SP1: variants seen among roughly 807,000 people sequenced by gnomAD.
The protein encoded by SP1 is Sp1 transcription factor.
Under a neutral mutation model 66.3 loss-of-function variants are expected in SP1, and 6 were observed. The ratio of observed to expected loss-of-function variants is 0.09; its 90% CI spans 0.05 to 0.18. SP1 has a LOEUF of 0.18. Ranked by LOEUF, SP1 falls within the 10% of genes least tolerant of loss-of-function variation. The pLI, the probability that SP1 is intolerant of heterozygous loss-of-function variation, is 1.00. For missense variants in SP1, 848 were observed against 964.5 expected, an observed-to-expected ratio of 0.88 and a Z score of 1.60; for synonymous variants, 417 against 360.8, an observed-to-expected ratio of 1.16 and a Z score of -1.77.
Position 53,411,404 on chromosome 12 carries a change from C to T in SP1, c.*164C>T. The T allele has an allele frequency of 5.1e-6, 3 of 584,460 alleles. No individual in the cohort carries two copies. The highest frequency in any genetic ancestry group is 8.9e-6 in the Non-Finnish European group (3 of 337,668). The allele number at this position is 584,460 out of a possible 1,614,324, so 36.2% of individuals were successfully genotyped here. A position where few individuals can be genotyped will look rare whatever the true frequency, so the allele number is the denominator to read the frequency against. On this transcript the variant is annotated 3_prime_UTR_variant, in exon 6 of 6. Transcript: ENST00000327443. ...TACAAGAGAGGAGATGGGGTCCCGG[C>T]ACCCATCTGTATCATCAGTGCCTCT...
At chr12:53,396,516 C>G (rs563405601) in intron 3 of SP1, among the ~76,000 whole-genome samples, 1 of 150,938 alleles carries the variant, frequency 6.6e-6, no homozygotes, top group Non-Finnish European at 1.5e-5. Context: ...GGCGGTTAGC[C>G]GAGATCATGC....
rs891130880 is a variant in SP1 at position 53,412,814 on chromosome 12, G to A, written c.*1574G>A. 6.6e-6 allele frequency: 1 copy of A among 152,548 alleles called. No homozygotes were observed. Among genetic ancestry groups the A allele is most frequent in the Non-Finnish European group, 1.5e-5 (1 of 68,028 alleles). 9.4% of individuals were successfully genotyped at this position (152,548 alleles called of 1,614,324 possible). On this transcript the variant is annotated 3_prime_UTR_variant, in exon 6 of 6. Transcript: ENST00000327443. ...GGGAACCTAGTGCATTTGGCACTGA[G>A]ATTTAAATGCAACCAGAATTGTCCT...
At chr12:53,397,285 A>G (rs1257170437) in intron 3 of SP1, among the ~76,000 whole-genome samples, 1 of 152,050 alleles carries the variant, frequency 6.6e-6, no homozygotes, top group Admixed American at 6.6e-5. Context: ...TGCTGAGATT[A>G]CAAATATGAG....
chr12:53,392,437 A>G (rs2136900530), intron 3 of SP1, among the ~76,000 whole-genome samples: 1 of 144,268 alleles, frequency 6.9e-6, no homozygotes, highest in East Asian at 2.0e-4. Flanking sequence ...GCTCACTGCA[A>G]GCTCCGCCTC....
At chr12:53,385,986 T>G (rs896090263) in intron 3 of SP1, among the ~76,000 whole-genome samples, 1 of 152,206 alleles carries the variant, frequency 6.6e-6, no homozygotes, top group Non-Finnish European at 1.5e-5. Flanking sequence ...ATATTTCTTG[T>G]GAACTGTAAC....
At chr12:53,393,601 T>C (rs1404519588) in intron 3 of SP1, among the ~76,000 whole-genome samples, 4 of 151,234 alleles carry the variant, frequency 2.6e-5, no homozygotes, top group Non-Finnish European at 4.4e-5. Context: ...CCTTTTTTTT[T>C]TTTTTTCAAT....
chr12:53,384,284 TC>T (rs1938177785), intron 3 of SP1, among the ~76,000 whole-genome samples: 1 of 150,040 alleles, frequency 6.7e-6, no homozygotes, highest in African/African-American at 2.5e-5. Flanking sequence ...TTCTTTTTTT[TC>T]TTTTTTCTTT....
chr12:53,410,157 T>C (rs1015009679), intron 5 of SP1, among the ~76,000 whole-genome samples: 2 of 151,476 alleles, frequency 1.3e-5, no homozygotes, highest in East Asian at 2.0e-4. Context: ...AATTACAAAA[T>C]AGTCAAGCGT....
At chr12:53,406,033 T>G (rs1456921988) in intron 3 of SP1, among the ~76,000 whole-genome samples, 1 of 151,516 alleles carries the variant, frequency 6.6e-6, no homozygotes, top group East Asian at 1.9e-4. Context: ...GATCAGATTT[T>G]TACGTATTTA....
intron 3 of SP1, among the ~76,000 whole-genome samples, chr12:53,391,381 G>A (rs546636287): frequency 1.4e-4 from 17 of 122,346 alleles, no homozygotes; most frequent in Admixed American, 2.3e-4. Context: ...ACGGAGTCTC[G>A]CTCTGTTGCC....
Position 53,380,219 on chromosome 12 carries a change from C to A in SP1, c.-73C>A, listed in dbSNP as rs1403355882. The A allele has an allele frequency of 6.0e-6, 7 of 1,172,490 alleles. No individual in the cohort carries two copies. The African/African-American group carries it at 9.1e-5, about 15-fold the overall frequency. 72.6% of individuals were successfully genotyped at this position (1,172,490 alleles called of 1,614,324 possible). A position where few individuals can be genotyped will look rare whatever the true frequency, so the allele number is the denominator to read the frequency against. ...GGTCCGGGTTCGCTTGCCTCGTCAG[C>A]GTCCGCGTTTTTCCCGGCCCCCCCC... On this transcript the variant is annotated 5_prime_UTR_variant, in exon 1 of 6. Transcript: ENST00000327443.
intron 3 of SP1, among the ~76,000 whole-genome samples, chr12:53,401,953 G>A (rs1270550642): frequency 6.6e-6 from 1 of 152,186 alleles, no homozygotes; most frequent in Non-Finnish European, 1.5e-5. Context: ...ATAGGTGTGA[G>A]CCTCTTCATT....
At chr12:53,383,730 G>C in intron 3 of SP1, 108 bp downstream of exon 3, 2 of 898,678 alleles carry the variant, frequency 2.2e-6, no homozygotes, top group Non-Finnish European at 1.7e-6. Context: ...CTTTCTTGAG[G>C]GTTAGTCATT....
At chr12:53,386,059 T>C (rs1938223026) in intron 3 of SP1, among the ~76,000 whole-genome samples, 1 of 152,242 alleles carries the variant, frequency 6.6e-6, no homozygotes, top group African/African-American at 2.4e-5. Flanking sequence ...CCCTGGTTAG[T>C]ATTAACCAGA....
At chr12:53,394,636 ACG>A (rs1276196563) in intron 3 of SP1, among the ~76,000 whole-genome samples, 2 of 93,354 alleles carry the variant, frequency 2.1e-5, no homozygotes, top group African/African-American at 9.6e-5. Flanking sequence ...TTTTTTTGAG[ACG>A]CAGTCTCGCT....
At chr12:53,389,076 G>A (rs1938291584) in intron 3 of SP1, among the ~76,000 whole-genome samples, 1 of 151,890 alleles carries the variant, frequency 6.6e-6, no homozygotes, top group South Asian at 2.1e-4. Flanking sequence ...GTACGATGTA[G>A]AAAGAACATT....
chr12:53,396,274 CAAAA>C (rs551946313), intron 3 of SP1, among the ~76,000 whole-genome samples: 2 of 102,082 alleles, frequency 2.0e-5, no homozygotes, highest in African/African-American at 7.3e-5. Context: ...GACTCCGTCT[CAAAA>C]AAAAAAAAAA....
At chr12:53,385,364 G>C (rs1938202728) in intron 3 of SP1, among the ~76,000 whole-genome samples, 2 of 151,518 alleles carry the variant, frequency 1.3e-5, no homozygotes, top group Admixed American at 6.6e-5. Context: ...GGGAGGCCGA[G>C]GCGGGTGGAT....
rs765603212 is a variant in SP1 at position 53,406,705 on chromosome 12, C to T, written c.1796C>T (p.Thr599Ile). The part of the protein sequence containing the change: ...PDAQPQAGRR[T>I]RREACTCPYC... ...GCCCAACCCCAAGCCGGTCGGAGGACCCGGCGGGAAGCATGCACCTGCCCC... is the reference window on the plus strand; with the variant it reads ...GCCCAACCCCAAGCCGGTCGGAGGATCCGGCGGGAAGCATGCACCTGCCCC... The change falls in exon 4 of 6, where the codon ACC (threonine) becomes ATC (isoleucine). Residue 599 changes from threonine to isoleucine, a missense_variant. By Grantham distance (89) the Thr-to-Ile change is moderately conservative. Around this residue, in one of 7 missense-constraint regions of SP1, gnomAD observed 26 missense variants for 49.2 expected, o/e 0.53. Coordinates refer to ENST00000327443, the MANE Select transcript of SP1 (RefSeq NM_138473.3). 3.1e-6 allele frequency: 5 copies of T among 1,613,898 alleles called. No individual in the cohort carries two copies. Among genetic ancestry groups the T allele is most frequent in the Non-Finnish European group, 4.2e-6 (5 of 1,180,016 alleles).
Sources: allele counts gnomAD v4.1 joint callset (sites outside exome capture counted in the v4.1 genomes callset), GRCh38; gene constraint gnomAD v4.1.1; regional missense constraint gnomAD v4.1.1; transcripts MANE v1.5; gene names NCBI Gene and HGNC (gene_info 2026-07-23, HGNC 2026-07-21).